Variants in LARGE1 observed in about 807,000 individuals in gnomAD.
The protein encoded by LARGE1 is LARGE xylosyl- and glucuronyltransferase 1, also known as xylosyl- and glucuronyltransferase LARGE1.
A neutral mutation model predicts 87.6 loss-of-function variants in LARGE1; 43 were observed. The observed-to-expected ratio is 0.49, with a 90% CI of 0.38 to 0.63. LARGE1 has a LOEUF of 0.63. LARGE1 is among the 30% of genes least tolerant of loss of function. LARGE1 has a pLI of 0.00. For synonymous variants in LARGE1, 434 were observed against 394.6 expected (o/e 1.10, Z -1.18); for missense variants, 802 against 1,000.2 (o/e 0.80, Z 2.67).
chr22:33,538,086 C>T (rs1202142515), intron 6 of LARGE1, among the ~76,000 whole-genome samples: 1 of 152,168 alleles, frequency 6.6e-6, no homozygotes, highest in Non-Finnish European at 1.5e-5. Flanking sequence ...CCTCAAACAG[C>T]TCCTGCAGGA....
Position 33,862,687 on chromosome 22 carries a change from C to T in LARGE1, c.-83+57308G>A, listed in dbSNP as rs903236983. ...CTGGGTTCAAATCCCAGCTCTGTCA[C>T]GTGTCCTCGGGGGCCACCATGACGT... On this transcript the variant is annotated intron_variant, in intron 1 of 14. Transcript: ENST00000397394. 4.6e-5 allele frequency among the ~76,000 whole-genome samples: 7 copies of T among 152,260 alleles called. No homozygotes were observed. The East Asian group carries it at 7.7e-4, about 17-fold the overall frequency.
intron 4 of LARGE1, among the ~76,000 whole-genome samples, chr22:33,624,507 A>G (rs1186630267): frequency 6.6e-6 from 1 of 152,108 alleles, no homozygotes; most frequent in Non-Finnish European, 1.5e-5. Context: ...TGAGGGTGGG[A>G]GGAAATGGAG....
the LARGE1 span, among the ~76,000 whole-genome samples, chr22:33,132,314 G>C: frequency 2.0e-4 from 31 of 151,762 alleles, no homozygotes; most frequent in African/African-American, 7.5e-4. Context: ...CTCCCAAGTG[G>C]CTGGGGCTAC....
the LARGE1 span, among the ~76,000 whole-genome samples, chr22:33,122,708 T>C: frequency 6.6e-6 from 1 of 152,200 alleles, no homozygotes; most frequent in Non-Finnish European, 1.5e-5. Context: ...TATTGGCATG[T>C]CATGCCACCT....
intron 5 of LARGE1, among the ~76,000 whole-genome samples, chr22:33,601,309 G>A (rs1264275371): frequency 2.1e-5 from 3 of 143,472 alleles, no homozygotes; most frequent in African/African-American, 7.8e-5. Flanking sequence ...GTAGGTGTAG[G>A]GGAGGTGGAG....
At chr22:33,112,180 C>T in the LARGE1 span, among the ~76,000 whole-genome samples, 1 of 152,150 alleles carries the variant, frequency 6.6e-6, no homozygotes, top group Non-Finnish European at 1.5e-5. Context: ...AGTTAGGAGG[C>T]TGATGAACTA....
intron 1 of LARGE1, among the ~76,000 whole-genome samples, chr22:33,837,222 C>CATATAT (rs147768340): frequency 2.0e-5 from 3 of 147,956 alleles, no homozygotes; most frequent in Non-Finnish European, 4.5e-5. Flanking sequence ...CATGCCACTC[C>CATATAT]ATATATATAT....
At chr22:33,421,853 A>C (rs1396024532) in intron 7 of LARGE1, among the ~76,000 whole-genome samples, 1 of 152,202 alleles carries the variant, frequency 6.6e-6, no homozygotes, top group African/African-American at 2.4e-5. Flanking sequence ...CAGGTGGAAG[A>C]GGGAGTAGGT....
the LARGE1 span, among the ~76,000 whole-genome samples, chr22:33,124,928 G>A: frequency 2.0e-5 from 3 of 152,344 alleles, no homozygotes; most frequent in Non-Finnish European, 2.9e-5. Flanking sequence ...ACTGCTCCTT[G>A]TGGAGCAAAG....
intron 5 of LARGE1, among the ~76,000 whole-genome samples, chr22:33,600,947 C>A (rs956953717): frequency 6.6e-6 from 1 of 152,064 alleles, no homozygotes; most frequent in Admixed American, 6.6e-5. Context: ...CGCCTATGGT[C>A]CCAGCTACTC....
At position 33,827,941 on chromosome 22, in the gene LARGE1, G is replaced by A. The variant is rs570999851; in HGVS notation, c.-82-66383C>T. Among the ~76,000 whole-genome samples, 5 of 152,326 alleles carry A rather than the reference G, an allele frequency of 3.3e-5. No individual in the cohort carries two copies. In the East Asian group the frequency reaches 7.7e-4, roughly 23 times the overall value. On this transcript the variant is annotated intron_variant, in intron 1 of 14. Coordinates refer to ENST00000397394, the MANE Select transcript of LARGE1 (RefSeq NM_133642.5). ...GCATACTGCAGGGCTGAGAAGCACAGTTTGAAAGCCATTGTCCTATGGAAG... is the reference window on the plus strand; with the variant it reads ...GCATACTGCAGGGCTGAGAAGCACAATTTGAAAGCCATTGTCCTATGGAAG...
At chr22:33,731,363 A>G (rs2083462698) in intron 2 of LARGE1, among the ~76,000 whole-genome samples, 1 of 152,190 alleles carries the variant, frequency 6.6e-6, no homozygotes, top group Non-Finnish European at 1.5e-5. Context: ...ATATTGGGGC[A>G]AAACTTGGAT....
At chr22:33,193,859 GT>G (rs1923921862) in intron 11 of LARGE1, among the ~76,000 whole-genome samples, 1 of 146,502 alleles carries the variant, frequency 6.8e-6, no homozygotes, top group African/African-American at 2.5e-5. Flanking sequence ...TATATATATT[GT>G]TTTTATATAT....
intron 6 of LARGE1, among the ~76,000 whole-genome samples, chr22:33,492,868 C>G (rs1320307918): frequency 1.3e-5 from 2 of 152,114 alleles, no homozygotes; most frequent in Non-Finnish European, 2.9e-5. Flanking sequence ...CTGATAAAAG[C>G]TGAATCTCCA....
chr22:33,746,752 T>C (rs548809796), intron 2 of LARGE1, among the ~76,000 whole-genome samples: 23 of 152,022 alleles, frequency 1.5e-4, no homozygotes, highest in African/African-American at 5.3e-4. Context: ...AAATAGGGAG[T>C]GAGGCTGTTG....
chr22:33,911,411 A>G (rs988035448), intron 1 of LARGE1, among the ~76,000 whole-genome samples: 30 of 152,314 alleles, frequency 2.0e-4, no homozygotes, highest in African/African-American at 6.3e-4. Context: ...AGAGGGAGTC[A>G]TATTGGGAAA....
chr22:33,902,305 T>C (rs952654245), intron 1 of LARGE1, among the ~76,000 whole-genome samples: 1 of 152,170 alleles, frequency 6.6e-6, no homozygotes, highest in Non-Finnish European at 1.5e-5. Flanking sequence ...AAGAATAGGA[T>C]GAGCTGTTGG....
At chr22:33,138,174 T>C in the LARGE1 span, among the ~76,000 whole-genome samples, 2 of 152,328 alleles carry the variant, frequency 1.3e-5, no homozygotes, top group African/African-American at 2.4e-5. Context: ...AATCTACCTC[T>C]TGCATTGTCA....
intron 2 of LARGE1, among the ~76,000 whole-genome samples, chr22:33,740,895 C>T (rs1452922984): frequency 2.0e-5 from 3 of 152,176 alleles, no homozygotes; most frequent in African/African-American, 7.2e-5. Context: ...TCAGGATTCC[C>T]GACTCTCCAA....
Sources: gnomAD v4.1 joint callset for allele counts (sites outside exome capture counted in the v4.1 genomes callset) on GRCh38, gnomAD v4.1.1 for gene constraint, MANE v1.5 for transcripts, NCBI Gene and HGNC (gene_info 2026-07-23, HGNC 2026-07-21) for gene names.